Variants in PKP1 observed in about 807,000 individuals in gnomAD.
PKP1 encodes the protein plakophilin 1.
Under a neutral mutation model 76.4 loss-of-function variants are expected in PKP1, and 27 were observed. The ratio of observed to expected loss-of-function variants is 0.35; its 90% CI spans 0.26 to 0.49. The LOEUF is 0.49. PKP1 is among the 20% of genes least tolerant of loss of function. PKP1 has a pLI of 0.99. For synonymous variants in PKP1, 404 were observed against 384.2 expected, an observed-to-expected ratio of 1.05 and a Z score of -0.60; for missense variants, 964 against 955.2, an observed-to-expected ratio of 1.01 and a Z score of -0.12.
At chr1:201,328,503 T>C in intron 12 of PKP1, 1 of 555,712 alleles carries the variant, frequency 1.8e-6, no homozygotes, top group Non-Finnish European at 3.3e-6. Context: ...CCTCACGCCT[T>C]GACTCAGGTT....
intron 10 of PKP1, 152 bp from the exon 11 acceptor site, chr1:201,324,789 G>A (rs1657060948): frequency 2.0e-6 from 2 of 992,442 alleles, no homozygotes; most frequent in Admixed American, 1.9e-5. Context: ...CTGGGTCTCT[G>A]AGCCCTGAGT....
In PKP1 at chr1:201,318,654, A is replaced by G. The variant is rs1358239313; in HGVS notation, c.1091A>G (p.Lys364Arg). ...LWNLSSTDEL[K>R]EELIADALPV... is the part of the protein sequence containing the mutation. ...AACCTGTCTTCCACTGACGAGCTGA[A>G]GGAGGAACTCATTGCCGACGCCCTG... is the stretch of plus-strand genomic sequence containing the variant. Residue 364 changes from lysine (K) to arginine (R), a missense_variant, in exon 6 of 14, where the codon AAG (lysine) becomes AGG (arginine). By Grantham distance (26) the Lys-to-Arg change is conservative. Transcript: ENST00000367324. 6.2e-7 allele frequency: 1 copy of G among 1,612,322 alleles called. No homozygotes were observed. The highest frequency in any genetic ancestry group is 1.1e-5 in the South Asian group (1 of 90,990).
In PKP1 at chr1:201,323,146, C is replaced by A. The variant is rs1657001629; in HGVS notation, c.1637C>A (p.Ala546Asp). The A allele has an allele frequency of 6.2e-7, 1 of 1,614,106 alleles. No homozygotes were observed. The highest frequency in any genetic ancestry group is 1.3e-5 in the African/African-American group (1 of 75,064). ...GKSKKDATLE[A>D]CAGALQNLTA... ...AGCAAGAAAGATGCTACCCTGGAGG[C>A]CTGTGCTGGTGCCCTGCAGAACCTG... Residue 546 changes from alanine to aspartate, a missense_variant, in exon 9 of 14, where the codon GCC (alanine) becomes GAC (aspartate). By Grantham distance (126) the Ala-to-Asp change is moderately radical (BLOSUM62 -2). Transcript: ENST00000367324.
At chr1:201,304,118 A>G (rs1166607418) in intron 2 of PKP1, among the ~76,000 whole-genome samples, 1 of 152,034 alleles carries the variant, frequency 6.6e-6, no homozygotes, top group Non-Finnish European at 1.5e-5. Context: ...AGCTTCTTTC[A>G]TATCTACCTA....
At chr1:201,317,203 T>G (rs2102177763) in intron 4 of PKP1, among the ~76,000 whole-genome samples, 1 of 152,338 alleles carries the variant, frequency 6.6e-6, no homozygotes, top group South Asian at 2.1e-4. Flanking sequence ...TAAGTTTGTA[T>G]GCATTTCTAT....
Position 201,329,681 on chromosome 1 carries a change from C to T in PKP1, c.*33-393C>T, listed in dbSNP as rs572436125. Among the ~76,000 whole-genome samples the T allele has an allele frequency of 2.0e-5, 3 of 152,300 alleles. No individual in the cohort carries two copies. The South Asian group carries it at 6.2e-4, about 32-fold the overall frequency. On this transcript the variant is annotated intron_variant, in intron 13 of 13. Transcript: ENST00000367324. ...CAGGCTGTCTGCCAGCACCCCCCAC[C>T]CCAATCCCTGGTGGGGAGAGAGGAC...
intron 1 of PKP1, among the ~76,000 whole-genome samples, chr1:201,284,652 G>T (rs997213693): frequency 2.0e-5 from 3 of 152,224 alleles, no homozygotes; most frequent in African/African-American, 4.8e-5. Flanking sequence ...AGGGAAGGGG[G>T]TCAGGGATGC....
At chr1:201,289,910 A>G (rs191815989) in intron 1 of PKP1, among the ~76,000 whole-genome samples, 1 of 152,240 alleles carries the variant, frequency 6.6e-6, no homozygotes, top group Admixed American at 6.5e-5. Flanking sequence ...GAAGAGAAAG[A>G]ATGTTTCAGG....
intron 8 of PKP1, 121 bp downstream of exon 8, chr1:201,322,254 C>T (rs1656971655): frequency 9.3e-7 from 1 of 1,071,926 alleles, no homozygotes; most frequent in African/African-American, 1.6e-5. Flanking sequence ...AGGGACAGGC[C>T]CATGCTGACA....
intron 1 of PKP1, among the ~76,000 whole-genome samples, chr1:201,287,288 T>G (rs1461975621): frequency 2.0e-5 from 3 of 152,168 alleles, no homozygotes; most frequent in African/African-American, 4.8e-5. Context: ...TCAGCCCTCA[T>G]CAGGGGAGAG....
At position 201,313,560 on chromosome 1, in the gene PKP1, A is replaced by G. The variant is rs1466158867; in HGVS notation, c.701A>G (p.Lys234Arg). ...TTTGGCCACTCTAGGGCCAGCTCCAAGTGAGTGCTGCTGGGCTGGGTTGGG... is the reference window on the plus strand; with the variant it reads ...TTTGGCCACTCTAGGGCCAGCTCCAGGTGAGTGCTGCTGGGCTGGGTTGGG... ...LSFGHSRASS[K>R]ICSEDIECSG... The change falls in exon 3 of 14, where the codon AAG (lysine) becomes AGG (arginine). Residue 234 changes from lysine to arginine, a missense_variant and splice_region_variant. Coordinates refer to ENST00000367324, the MANE Select transcript of PKP1 (RefSeq NM_001005337.3). 9 of 1,611,516 alleles carry G rather than the reference A, an allele frequency of 5.6e-6. No homozygotes were observed. Among genetic ancestry groups the G allele is most frequent in the Non-Finnish European group, 7.6e-6 (9 of 1,178,212 alleles).
At chr1:201,294,978 C>G (rs1656031185) in intron 2 of PKP1, among the ~76,000 whole-genome samples, 1 of 152,176 alleles carries the variant, frequency 6.6e-6, no homozygotes, top group African/African-American at 2.4e-5. Flanking sequence ...CTTTCATTTA[C>G]TTTCGCTGAT....
intron 6 of PKP1, among the ~76,000 whole-genome samples, chr1:201,319,563 G>A (rs1391284494): frequency 6.6e-6 from 1 of 152,184 alleles, no homozygotes; most frequent in East Asian, 1.9e-4. Context: ...AGAGAGGCTG[G>A]GGAGATGAAA....
chr1:201,321,912 G>T, intron 7 of PKP1, 66 bp from the exon 8 acceptor site: 1 of 1,584,120 alleles, frequency 6.3e-7, no homozygotes, highest in Non-Finnish European at 8.7e-7. Context: ...AGCTAGGGTA[G>T]GTGGTAGGCC....
chr1:201,293,403 C>T (rs1655984065), intron 1 of PKP1, among the ~76,000 whole-genome samples: 2 of 152,220 alleles, frequency 1.3e-5, no homozygotes. Context: ...GCTCCCCCTT[C>T]ACCAGCCAGA....
intron 6 of PKP1, among the ~76,000 whole-genome samples, chr1:201,319,615 G>A (rs1656875270): frequency 1.3e-5 from 2 of 152,170 alleles, no homozygotes; most frequent in South Asian, 4.1e-4. Context: ...ATGTGCTACT[G>A]GTAGCAACAG....
chr1:201,316,509 TC>T, intron 3 of PKP1, 43 bp from the exon 4 acceptor site: 1 of 1,565,852 alleles, frequency 6.4e-7, no homozygotes. Flanking sequence ...TCAGCAGGGC[TC>T]CCAGCCCACC....
At position 201,313,442 on chromosome 1, in the gene PKP1, G is replaced by A. The variant is rs1408434722; in HGVS notation, c.583G>A (p.Ala195Thr). Residue 195 changes from alanine (A) to threonine (T), a missense_variant, in exon 3 of 14, where the codon GCC becomes ACC. Ala to Thr is a moderately conservative substitution (Grantham distance 58). Coordinates refer to ENST00000367324, the MANE Select transcript of PKP1 (RefSeq NM_001005337.3). ...SFYSTCSGQK[A>T]IKKCPVRPPS... The stretch of plus-strand genomic sequence containing the variant: ...TTACAGCACCTGCAGTGGTCAGAAG[G>A]CCATAAAGAAGTGCCCTGTGCGCCC... 11 of 1,604,942 alleles carry A rather than the reference G, an allele frequency of 6.9e-6. No individual in the cohort carries two copies. The highest frequency in any genetic ancestry group is 1.3e-5 in the African/African-American group (1 of 74,804).
At chr1:201,290,214 G>A (rs12402988) in intron 1 of PKP1, among the ~76,000 whole-genome samples, 9 of 152,148 alleles carry the variant, frequency 5.9e-5, no homozygotes, top group Admixed American at 5.2e-4. Context: ...AAAATCAGAC[G>A]AGCTATGTGG....
Sources: gnomAD v4.1 joint callset for allele counts (sites outside exome capture counted in the v4.1 genomes callset) on GRCh38, gnomAD v4.1.1 for gene constraint, MANE v1.5 for transcripts, NCBI Gene and HGNC (gene_info 2026-07-23, HGNC 2026-07-21) for gene names.